Variants in OR9Q1 observed in about 807,000 individuals in gnomAD.
OR9Q1 encodes the protein olfactory receptor 9Q1.
For synonymous variants in OR9Q1, 153 were observed against 148.6 expected (o/e 1.03, Z -0.22); for missense variants, 374 against 378.8 (o/e 0.99, Z 0.11).
chr11:58,166,026 A>C (rs1854501181), intron 2 of OR9Q1, among the ~76,000 whole-genome samples: 1 of 152,218 alleles, frequency 6.6e-6, no homozygotes, highest in African/African-American at 2.4e-5. Flanking sequence ...ACGGTGGGTC[A>C]CCAAAAAGTC....
intron 2 of OR9Q1, among the ~76,000 whole-genome samples, chr11:58,161,562 T>TC (rs3061607): frequency 4.6e-5 from 7 of 151,624 alleles, no homozygotes; most frequent in Non-Finnish European, 7.4e-5. Context: ...TTTTTTTTTT[T>TC]AGACAGAGCC....
intron 2 of OR9Q1, among the ~76,000 whole-genome samples, chr11:58,094,852 G>T (rs1853715662): frequency 6.6e-6 from 1 of 152,068 alleles, no homozygotes; most frequent in Non-Finnish European, 1.5e-5. Context: ...ATTATCATCA[G>T]GCACAGTCTT....
intron 2 of OR9Q1, among the ~76,000 whole-genome samples, chr11:58,074,721 G>GT (rs1178755595): frequency 2.6e-5 from 4 of 152,044 alleles, no homozygotes; most frequent in African/African-American, 7.2e-5. Flanking sequence ...TTTTCTTCTA[G>GT]GATTTTTTAT....
rs1033793826 is a variant in OR9Q1 at position 58,179,824 on chromosome 11, G to A, written c.380G>A (p.Cys127Tyr). 6 of 1,614,166 alleles carry A rather than the reference G, an allele frequency of 3.7e-6. No homozygotes were observed. Among genetic ancestry groups the A allele is most frequent in the Non-Finnish European group, 5.1e-6 (6 of 1,180,016 alleles). ...LMAYDRYLAVCQPLLYVTILT... is the reference protein window; with the variant it reads ...LMAYDRYLAVYQPLLYVTILT... The stretch of plus-strand genomic sequence containing the variant: ...GCCTATGACCGCTACTTGGCTGTGT[G>A]CCAGCCCCTGCTTTATGTCACCATC... Residue 127 changes from cysteine (C) to tyrosine (Y), a missense_variant, in exon 3 of 3, where the codon TGC becomes TAC. Cys to Tyr is a radical substitution (Grantham distance 194). Transcript: ENST00000335397.
chr11:58,073,260 C>A, intron 2 of OR9Q1: 1 of 213,456 alleles, frequency 4.7e-6, no homozygotes, highest in South Asian at 9.8e-5. Flanking sequence ...TCTCTCTGTC[C>A]ATCTGTGATC....
intron 2 of OR9Q1, among the ~76,000 whole-genome samples, chr11:58,148,756 A>G (rs1854322791): frequency 6.6e-6 from 1 of 152,212 alleles, no homozygotes; most frequent in Admixed American, 6.5e-5. Context: ...TTTCTCCTGA[A>G]TCTTACTTAG....
intron 2 of OR9Q1, among the ~76,000 whole-genome samples, chr11:58,060,953 T>C (rs939286696): frequency 6.6e-6 from 1 of 152,216 alleles, no homozygotes; most frequent in Non-Finnish European, 1.5e-5. Flanking sequence ...ATCATCGCCT[T>C]TGTCACATCA....
intron 1 of OR9Q1, among the ~76,000 whole-genome samples, chr11:58,039,449 T>C (rs571916983): frequency 1.3e-5 from 2 of 152,340 alleles, no homozygotes; most frequent in East Asian, 3.9e-4. Flanking sequence ...CCTTGATACG[T>C]TGAGATATTT....
chr11:58,109,100 C>T (rs531535932), intron 2 of OR9Q1: 23 of 492,098 alleles, frequency 4.7e-5, no homozygotes, highest in Middle Eastern at 3.2e-4. Context: ...CTGCTGCAGG[C>T]GAGCTTCAGC....
At chr11:58,082,610 G>GCAA (rs1853598486) in intron 2 of OR9Q1, among the ~76,000 whole-genome samples, 1 of 64,432 alleles carries the variant, frequency 1.6e-5, no homozygotes, top group Non-Finnish European at 2.8e-5. Flanking sequence ...GTGGGGGGAG[G>GCAA]GGGGAGGGAT....
intron 1 of OR9Q1, among the ~76,000 whole-genome samples, chr11:58,027,758 G>C (rs1852989971): frequency 6.6e-6 from 1 of 152,180 alleles, no homozygotes; most frequent in Admixed American, 6.5e-5. Flanking sequence ...GCCGTCGGCT[G>C]TCCCTCTCTC....
chr11:58,148,235 G>T (rs997188563), intron 2 of OR9Q1, among the ~76,000 whole-genome samples: 1 of 152,132 alleles, frequency 6.6e-6, no homozygotes, highest in Non-Finnish European at 1.5e-5. Flanking sequence ...ATCAGCATGA[G>T]GGCATGGGTC....
intron 1 of OR9Q1, among the ~76,000 whole-genome samples, chr11:58,028,402 A>C (rs1282498410): frequency 1.3e-5 from 2 of 152,206 alleles, no homozygotes; most frequent in African/African-American, 2.4e-5. Flanking sequence ...GATTTAGAAA[A>C]ATAGTAAGAA....
rs577128590 is a variant in OR9Q1, at chr11:58,113,068, T to A, written c.-15+57121T>A. 9.9e-5 allele frequency among the ~76,000 whole-genome samples: 15 copies of A among 152,168 alleles called. No homozygotes were observed. In the East Asian group the frequency reaches 1.9e-3, roughly 20 times the overall value. ...CTCAGCCTCAGCTCTGGAAGAGCTG[T>A]CTCAAGGAGACACAGCAGTGGGATG... is the stretch of plus-strand genomic sequence containing the variant. On this transcript the variant is annotated intron_variant, in intron 2 of 2. Transcript: ENST00000335397.
intron 2 of OR9Q1, chr11:58,118,985 A>ACACCCCACAGACATAGGCTCCTAC (rs745952736): frequency 6.2e-7 from 1 of 1,613,882 alleles, no homozygotes; most frequent in Admixed American, 1.7e-5. Flanking sequence ...ATGGCTCCTG[A>ACACCCCACAGACATAGGCTCCTAC]CACCCCACAG....
At chr11:58,031,641 T>C (rs1401455858) in intron 1 of OR9Q1, 1 of 1,613,916 alleles carries the variant, frequency 6.2e-7, no homozygotes, top group Admixed American at 1.7e-5. Context: ...TGGACACTGC[T>C]GCACATCCGC....
chr11:58,056,481 A>G (rs958676305), intron 2 of OR9Q1, among the ~76,000 whole-genome samples: 2 of 152,344 alleles, frequency 1.3e-5, no homozygotes, highest in African/African-American at 4.8e-5. Flanking sequence ...ATTTTTAAGT[A>G]GTTGAAAAAA....
chr11:58,059,905 C>T (rs1050228138), intron 2 of OR9Q1: 3 of 152,116 alleles, frequency 2.0e-5, no homozygotes, highest in African/African-American at 4.8e-5. Context: ...TTACGAAGAG[C>T]GTGCTGTATT....
intron 2 of OR9Q1, among the ~76,000 whole-genome samples, chr11:58,152,621 T>G (rs890435916): frequency 6.9e-6 from 1 of 145,522 alleles, no homozygotes; most frequent in Non-Finnish European, 1.5e-5. Flanking sequence ...CAGTCCTTTG[T>G]CTGTCATTTG....
Sources: allele counts gnomAD v4.1 joint callset (sites outside exome capture counted in the v4.1 genomes callset), GRCh38; gene constraint gnomAD v4.1.1; transcripts MANE v1.5; gene names NCBI Gene and HGNC (gene_info 2026-07-23, HGNC 2026-07-21).